Variants in MORN2 observed in about 807,000 individuals in gnomAD.
MORN2 encodes the protein MORN repeat containing 2.
In MORN2, 15 loss-of-function variants were observed where a neutral mutation model predicts 13.4. The ratio of observed to expected loss-of-function variants is 1.12; its 90% CI spans 0.75 to 1.72. MORN2 has a LOEUF of 1.72. MORN2 is among the 40% of genes most tolerant of loss of function. The pLI is 0.00. For missense variants in MORN2, 168 were observed against 134.6 expected, an observed-to-expected ratio of 1.25 and a Z score of -1.23; for synonymous variants, 46 against 43.6, an observed-to-expected ratio of 1.06 and a Z score of -0.22.
At chr2:38,879,620 G>A (rs1665731677) in intron 1 of MORN2, among the ~76,000 whole-genome samples, 1 of 152,106 alleles carries the variant, frequency 6.6e-6, no homozygotes, top group Admixed American at 6.5e-5. Context: ...GTGGTTGCCA[G>A]GGGTTTGGGG....
intron 1 of MORN2, among the ~76,000 whole-genome samples, chr2:38,877,641 C>G (rs531548221): frequency 6.6e-6 from 1 of 151,236 alleles, no homozygotes; most frequent in Non-Finnish European, 1.5e-5. Flanking sequence ...CTTTTTTTTT[C>G]TTTTTGAGTT....
intron 1 of MORN2, among the ~76,000 whole-genome samples, chr2:38,879,150 A>G (rs768533728): frequency 6.6e-6 from 1 of 152,018 alleles, no homozygotes; most frequent in South Asian, 2.1e-4. Flanking sequence ...CCCACTTGCT[A>G]TCTTTATTTT....
chr2:38,882,515 G>T lies in MORN2; in HGVS notation c.456G>T (p.Ter152TyrextTer2). 3.3e-6 allele frequency: 5 copies of T among 1,536,370 alleles called. No homozygotes were observed. Among genetic ancestry groups the T allele is most frequent in the Non-Finnish European group, 4.4e-6 (5 of 1,134,202 alleles). ...ACCTGAAATTAAAGCTTCACATGTA[G>T]ATGTGATGTTAAATTAAAGTTGAAA... The change falls in exon 5 of 5, where the codon TAG (stop) becomes TAT (tyrosine). Residue 152 changes from the stop codon to tyrosine (Y), a stop_lost. Coordinates refer to ENST00000644631, the MANE Select transcript of MORN2 (RefSeq NM_001145450.3).
chr2:38,881,721 G>A (rs1267990505), intron 4 of MORN2, 143 bp downstream of exon 4: 2 of 646,386 alleles, frequency 3.1e-6, no homozygotes, highest in Non-Finnish European at 4.7e-6. Flanking sequence ...AGTGATCTCG[G>A]CTCACTGCAA....
Position 38,880,704 on chromosome 2 carries a change from A to G in MORN2, c.214A>G (p.Lys72Glu). The G allele has an allele frequency of 6.5e-7, 1 of 1,550,110 alleles. No individual in the cohort carries two copies. The highest frequency in any genetic ancestry group is 8.7e-7 in the Non-Finnish European group (1 of 1,146,772). The change falls in exon 3 of 5, where the codon AAG becomes GAG. Residue 72 changes from lysine (K) to glutamate (E), a missense_variant and splice_region_variant. Coordinates refer to ENST00000644631, the MANE Select transcript of MORN2 (RefSeq NM_001145450.3). ...CTACACAGGAAGCTGGAAAGATGAC[A>G]AGGTATTATTGTTGTTTTTAATATT...
chr2:38,880,006 A>C (rs867022658), intron 1 of MORN2, among the ~76,000 whole-genome samples, 173 bp from the exon 2 acceptor site: 1 of 152,206 alleles, frequency 6.6e-6, no homozygotes, highest in African/African-American at 2.4e-5. Context: ...AAGAATGTTT[A>C]CACTTGGTTG....
rs1665796071 is a variant in MORN2, at chr2:38,882,394, TTATTTTCTAC to T, written c.354-14_354-5del. 1 of 1,493,306 alleles carries T rather than the reference TTATTTTCTAC, an allele frequency of 6.7e-7. No homozygotes were observed. Among genetic ancestry groups the T allele is most frequent in the South Asian group, 1.2e-5 (1 of 81,538 alleles). The allele number at this position is 1,493,306 out of a possible 1,614,324, so 92.5% of individuals were successfully genotyped here. Reference sequence around the variant, plus strand: ...TTATTCATCTTTGTTAATGGAAAACTTATTTTCTACTATTGCAGGGTGGAAGGTGAAGGGG... The same window carrying T: ...TTATTCATCTTTGTTAATGGAAAACTTATTGCAGGGTGGAAGGTGAAGGGG... On this transcript the variant is annotated splice_polypyrimidine_tract_variant and intron_variant, in intron 4 of 4. Transcript: ENST00000644631.
At position 38,876,350 on chromosome 2, in the gene MORN2, A is replaced by G. The variant is rs551567430; in HGVS notation, c.58+240A>G. 2.7e-4 allele frequency: 106 copies of G among 386,190 alleles called. 1 individual carries two copies. In the Middle Eastern group the frequency reaches 4.6e-3, roughly 17 times the overall value. 23.9% of individuals were successfully genotyped at this position (386,190 alleles called of 1,614,324 possible). A position where few individuals can be genotyped will look rare whatever the true frequency, so the allele number is the denominator to read the frequency against. ...ACCTCCCTGGGCCTCAGTTTCCGCT[A>G]TGGTGCCGGGTGGTCTCTGTGAGGT... is the stretch of plus-strand genomic sequence containing the variant. On this transcript the variant is annotated intron_variant, in intron 1 of 4. Coordinates refer to ENST00000644631, the MANE Select transcript of MORN2 (RefSeq NM_001145450.3).
At position 38,881,439 on chromosome 2, in the gene MORN2, C is replaced by T. The variant is rs377556529; in HGVS notation, c.217-3C>T. 3.3e-6 allele frequency: 5 copies of T among 1,531,036 alleles called. No homozygotes were observed. The highest frequency in any genetic ancestry group is 3.5e-6 in the Non-Finnish European group (4 of 1,141,280). 94.8% of individuals were successfully genotyped at this position (1,531,036 alleles called of 1,614,324 possible). A position where few individuals can be genotyped will look rare whatever the true frequency, so the allele number is the denominator to read the frequency against. ...CTAAGGTAATTTCCTTTGTTACAAA[C>T]AGATGAATGGTTTTGGAAGACTTGA... is the stretch of plus-strand genomic sequence containing the variant. On this transcript the variant is annotated splice_polypyrimidine_tract_variant and splice_region_variant and intron_variant, in intron 3 of 4. Transcript: ENST00000644631.
intron 1 of MORN2, among the ~76,000 whole-genome samples, 159 bp from the exon 2 acceptor site, chr2:38,880,020 G>A (rs533537145): frequency 4.9e-4 from 74 of 152,330 alleles, no homozygotes; most frequent in African/African-American, 1.7e-3. Context: ...TTGGTTGGGT[G>A]TGGTGGCTCA....
chr2:38,881,521 T>C lies in MORN2; in HGVS notation c.296T>C (p.Leu99Pro), dbSNP rs546168484. ...TTTAAGGATAATATGTTTCATGGACTGGGGACTTACACATTCCCAAATGGG... is the reference window on the plus strand; with the variant it reads ...TTTAAGGATAATATGTTTCATGGACCGGGGACTTACACATTCCCAAATGGG... The change falls in exon 4 of 5, where the codon CTG (leucine) becomes CCG (proline). Residue 99 changes from leucine (L) to proline (P), a missense_variant. Coordinates refer to ENST00000644631, the MANE Select transcript of MORN2 (RefSeq NM_001145450.3). 6.5e-6 allele frequency: 10 copies of C among 1,544,186 alleles called. No individual in the cohort carries two copies. In the East Asian group the frequency reaches 1.7e-4, roughly 27 times the overall value.
Position 38,881,447 on chromosome 2 carries a change from T to C in MORN2, c.222T>C (p.Asn74=). ...ATTTCCTTTGTTACAAACAGATGAA[T>C]GGTTTTGGAAGACTTGAGCATTTTT... Residue 74 remains asparagine, a synonymous_variant, in exon 4 of 5, where the codon AAT becomes AAC. Transcript: ENST00000644631. The C allele has an allele frequency of 1.3e-6, 2 of 1,533,914 alleles. No individual in the cohort carries two copies. Among genetic ancestry groups the C allele is most frequent in the Non-Finnish European group, 1.8e-6 (2 of 1,142,148 alleles).
At chr2:38,879,294 T>C (rs1175900430) in intron 1 of MORN2, among the ~76,000 whole-genome samples, 2 of 152,204 alleles carry the variant, frequency 1.3e-5, no homozygotes, top group Non-Finnish European at 2.9e-5. Flanking sequence ...ATTTTTTTTT[T>C]ACTCCTAGGA....
Position 38,882,583 on chromosome 2 carries a change from C to A in MORN2, c.*68C>A, listed in dbSNP as rs368409418. ...TTAGTTGTAAGGAAAGCAACTTAATCTGTTATTTGAAATGACTTCATACAC... is the reference window on the plus strand; with the variant it reads ...TTAGTTGTAAGGAAAGCAACTTAATATGTTATTTGAAATGACTTCATACAC... On this transcript the variant is annotated 3_prime_UTR_variant, in exon 5 of 5. Transcript: ENST00000644631. The A allele has an allele frequency of 1.7e-6, 2 of 1,197,400 alleles. No homozygotes were observed. Among genetic ancestry groups the A allele is most frequent in the South Asian group, 1.4e-5 (1 of 73,524 alleles). 74.2% of individuals were successfully genotyped at this position (1,197,400 alleles called of 1,614,324 possible). A position where few individuals can be genotyped will look rare whatever the true frequency, so the allele number is the denominator to read the frequency against.
chr2:38,876,061 C>G lies in MORN2; in HGVS notation c.9C>G (p.Ala3=). The G allele has an allele frequency of 2.5e-6, 1 of 398,742 alleles. No individual in the cohort carries two copies. Among genetic ancestry groups the G allele is most frequent in the Middle Eastern group, 6.3e-4 (1 of 1,590 alleles). 24.7% of individuals were successfully genotyped at this position (398,742 alleles called of 1,614,324 possible). A position where few individuals can be genotyped will look rare whatever the true frequency, so the allele number is the denominator to read the frequency against. ...CTCTCCCGGCCGCAGAGCTGGCCGC[C>G]CAGGGGGAGTCGCAGAGTTTGGAAG... The change falls in exon 1 of 5, where the codon GCC becomes GCG. Residue 3 remains alanine, a synonymous_variant. Coordinates refer to ENST00000644631, the MANE Select transcript of MORN2 (RefSeq NM_001145450.3).
At chr2:38,879,340 A>G (rs1201458965) in intron 1 of MORN2, among the ~76,000 whole-genome samples, 2 of 152,188 alleles carry the variant, frequency 1.3e-5, no homozygotes, top group Non-Finnish European at 2.9e-5. Context: ...CAGTGTTTAT[A>G]GCAGTATTAT....
At chr2:38,877,418 G>A (rs2373467) in intron 1 of MORN2, among the ~76,000 whole-genome samples, 128,436 of 152,134 alleles carry the variant, frequency 0.84, 57,714 homozygotes, top group Non-Finnish European at 0.98. Flanking sequence ...GGCAATTTCT[G>A]TATACCACCA....
Position 38,882,534 on chromosome 2 carries a change from G to T in MORN2, c.*19G>T, listed in dbSNP as rs1425863614. On this transcript the variant is annotated 3_prime_UTR_variant, in exon 5 of 5. Transcript: ENST00000644631. The stretch of plus-strand genomic sequence containing the variant: ...CATGTAGATGTGATGTTAAATTAAA[G>T]TTGAAATGTAGTAATTGAAGCTTTT... The T allele has an allele frequency of 1.3e-6, 2 of 1,517,580 alleles. No homozygotes were observed. The highest frequency in any genetic ancestry group is 1.8e-6 in the Non-Finnish European group (2 of 1,117,942). 94.0% of individuals were successfully genotyped at this position (1,517,580 alleles called of 1,614,324 possible).
chr2:38,881,075 G>C (rs1428478686), intron 3 of MORN2, among the ~76,000 whole-genome samples: 1 of 152,152 alleles, frequency 6.6e-6, no homozygotes, highest in Admixed American at 6.5e-5. Flanking sequence ...GTATACCCTG[G>C]TCTGCTCAAA....
Sources: allele counts gnomAD v4.1 joint callset (sites outside exome capture counted in the v4.1 genomes callset), GRCh38; gene constraint gnomAD v4.1.1; transcripts MANE v1.5; gene names NCBI Gene and HGNC (gene_info 2026-07-23, HGNC 2026-07-21).